PDE4D: variants seen among roughly 807,000 people sequenced by gnomAD.
The protein encoded by PDE4D is 3',5'-cyclic-AMP phosphodiesterase 4D.
A neutral mutation model predicts 87.4 loss-of-function variants in PDE4D; 24 were observed. The observed-to-expected ratio is 0.27, with a 90% confidence interval of 0.20 to 0.39. The LOEUF (loss-of-function observed/expected upper bound fraction) is 0.39, where lower values mean the gene tolerates loss of function less well. PDE4D is among the 10% of genes least tolerant of loss of function. PDE4D has a pLI of 1.00. For missense variants in PDE4D, 714 were observed against 1,041.0 expected, an observed-to-expected ratio of 0.69 and a Z score of 4.32; for synonymous variants, 384 against 383.2, an observed-to-expected ratio of 1.00 and a Z score of -0.02.
intron 1 of PDE4D, among the ~76,000 whole-genome samples, chr5:59,237,284 C>T (rs959460273): frequency 2.6e-5 from 4 of 152,158 alleles, no homozygotes; most frequent in African/African-American, 9.7e-5. Context: ...ACTACCCCTT[C>T]CCAGCTATTT....
chr5:59,739,040 C>A (rs1016010362), intron 1 of PDE4D, among the ~76,000 whole-genome samples: 1 of 152,066 alleles, frequency 6.6e-6, no homozygotes, highest in Non-Finnish European at 1.5e-5. Flanking sequence ...AAAAGTGATT[C>A]TTTTGTCTAT....
chr5:60,168,192 G>GGGAAA (rs1783103480), intron 2 of PDE4D, among the ~76,000 whole-genome samples: 1 of 152,156 alleles, frequency 6.6e-6, no homozygotes, highest in South Asian at 2.1e-4. Context: ...GTAAAGTGTG[G>GGGAAA]ACATAGTGAA....
chr5:60,180,710 T>TA (rs1482966155), intron 2 of PDE4D, among the ~76,000 whole-genome samples: 1 of 152,114 alleles, frequency 6.6e-6, no homozygotes, highest in Non-Finnish European at 1.5e-5. Flanking sequence ...GGAAGGCAGG[T>TA]ATAAGGACCA....
chr5:59,886,466 G>T (rs1433298582), intron 1 of PDE4D, among the ~76,000 whole-genome samples: 2 of 151,784 alleles, frequency 1.3e-5, no homozygotes, highest in Admixed American at 1.3e-4. Context: ...GCAGTGAGCC[G>T]AGATCGCGCC....
intron 2 of PDE4D, among the ~76,000 whole-genome samples, chr5:60,076,843 T>C (rs911311117): frequency 6.6e-6 from 1 of 152,204 alleles, no homozygotes; most frequent in Non-Finnish European, 1.5e-5. Context: ...GGGTGCATGC[T>C]TGTTGGATGT....
chr5:59,826,730 G>A (rs560424205), intron 1 of PDE4D, among the ~76,000 whole-genome samples: 3 of 152,108 alleles, frequency 2.0e-5, no homozygotes, highest in Admixed American at 2.0e-4. Flanking sequence ...CAAGGGAGTA[G>A]AGGCTGGGAA....
intron 5 of PDE4D, among the ~76,000 whole-genome samples, chr5:59,061,629 A>G (rs569888068): frequency 6.6e-6 from 1 of 152,114 alleles, no homozygotes; most frequent in South Asian, 2.1e-4. Flanking sequence ...CCCTCCTCTT[A>G]CAGAGACTCT....
At chr5:59,415,253 T>C (rs1454202535) in intron 1 of PDE4D, among the ~76,000 whole-genome samples, 1 of 152,120 alleles carries the variant, frequency 6.6e-6, no homozygotes. Flanking sequence ...AAAATAGCAA[T>C]GTCCTGAAGA....
chr5:59,845,061 A>G (rs1743621648), intron 1 of PDE4D, among the ~76,000 whole-genome samples: 1 of 152,030 alleles, frequency 6.6e-6, no homozygotes, highest in African/African-American at 2.4e-5. Flanking sequence ...TCGGTCCTAA[A>G]ACCACAGCAA....
At chr5:60,511,117 T>C (rs544196031) in intron 1 of PDE4D, among the ~76,000 whole-genome samples, 1 of 152,156 alleles carries the variant, frequency 6.6e-6, no homozygotes, top group African/African-American at 2.4e-5. Flanking sequence ...TTATAGGTGC[T>C]TGCCACCATG....
Position 59,205,653 on chromosome 5 carries a change from A to AACACACACACAC in PDE4D, c.647+10112_647+10123dup, listed in dbSNP as rs35509503. On this transcript the variant is annotated intron_variant, in intron 2 of 14. Transcript: ENST00000340635. The stretch of plus-strand genomic sequence containing the variant: ...TGTCTAATATGCTATCCACTAGCTA[A>AACACACACACAC]ACACACACACACACACACACACACA... Among the ~76,000 whole-genome samples, 1,361 of 136,374 alleles carry AACACACACACAC rather than the reference A, an allele frequency of 1.0e-2. 17 individuals carry two copies. Among genetic ancestry groups the AACACACACACAC allele is most frequent in the Middle Eastern group, 0.048 (13 of 272 alleles). The allele number at this position is 136,374 out of a possible 152,430, so 89.5% of individuals were successfully genotyped here.
Position 60,282,541 on chromosome 5 carries a change from CAAAT to C in PDE4D, c.-89-96858_-89-96855del, listed in dbSNP as rs140845980. On this transcript the variant is annotated intron_variant, in intron 1 of 16. Coordinates refer to the PDE4D transcript ENST00000502484. ...AAAAATTTGTTGATTTCAAATGAAACAAATAAAATTTGTTATTACTATGTTCTCT... is the reference window on the plus strand; with the variant it reads ...AAAAATTTGTTGATTTCAAATGAAACAAAATTTGTTATTACTATGTTCTCT... Among the ~76,000 whole-genome samples the C allele has an allele frequency of 7.2e-3, 1,103 of 152,156 alleles. 4 individuals are homozygous for C. The highest frequency in any genetic ancestry group is 0.025 in the African/African-American group (1,049 of 41,530).
chr5:60,071,119 T>TA (rs1317908234), intron 2 of PDE4D, among the ~76,000 whole-genome samples: 1 of 151,968 alleles, frequency 6.6e-6, no homozygotes, highest in Non-Finnish European at 1.5e-5. Context: ...TTTATATTTA[T>TA]AAAAAACCAG....
intron 1 of PDE4D, among the ~76,000 whole-genome samples, chr5:59,741,796 A>C (rs1758878509): frequency 6.6e-6 from 1 of 152,190 alleles, no homozygotes; most frequent in African/African-American, 2.4e-5. Context: ...GAGAAGAAAA[A>C]GCTGACTATG....
chr5:59,225,990 TAAAA>T (rs35585210), intron 1 of PDE4D, among the ~76,000 whole-genome samples: 1 of 146,422 alleles, frequency 6.8e-6, no homozygotes, highest in South Asian at 2.1e-4. Flanking sequence ...TGGCCATTAT[TAAAA>T]AAAAAAACCT....
chr5:60,511,970 C>A (rs905318166), intron 1 of PDE4D, among the ~76,000 whole-genome samples: 20 of 152,178 alleles, frequency 1.3e-4, no homozygotes, highest in Admixed American at 5.2e-4. Flanking sequence ...CGTATAGACC[C>A]AATATGCTCA....
At chr5:60,476,739 A>G (rs1487790959) in intron 1 of PDE4D, among the ~76,000 whole-genome samples, 6 of 152,246 alleles carry the variant, frequency 3.9e-5, no homozygotes, top group African/African-American at 1.4e-4. Flanking sequence ...CCAGATTGTC[A>G]TGGCTCACTC....
rs558611547 is a variant in PDE4D at position 60,215,927 on chromosome 5, G to A, written c.-89-30240C>T. Among the ~76,000 whole-genome samples, 5 of 152,260 alleles carry A rather than the reference G, an allele frequency of 3.3e-5. No individual in the cohort carries two copies. The South Asian group carries it at 8.3e-4, about 25-fold the overall frequency. ...GTAGCAATTATTCAAAAGCAACTAT[G>A]TTGTTTATCTGTCACAGTTATCAAT... On this transcript the variant is annotated intron_variant, in intron 1 of 16. Transcript: ENST00000502484.
At chr5:60,326,159 T>G (rs1235979299) in intron 1 of PDE4D, among the ~76,000 whole-genome samples, 1 of 152,020 alleles carries the variant, frequency 6.6e-6, no homozygotes, top group Non-Finnish European at 1.5e-5. Flanking sequence ...AACACAGAAG[T>G]CTTTATTTCT....
Sources: gnomAD v4.1 joint callset for allele counts (sites outside exome capture counted in the v4.1 genomes callset) on GRCh38, gnomAD v4.1.1 for gene constraint, MANE v1.5 for transcripts, NCBI Gene and HGNC (gene_info 2026-07-23, HGNC 2026-07-21) for gene names.